KCNG1: variants seen among roughly 807,000 people sequenced by gnomAD.
KCNG1 encodes the protein potassium voltage-gated channel modifier subfamily G member 1, also known as voltage-gated potassium channel regulatory subunit KCNG1.
A neutral mutation model predicts 32.4 loss-of-function variants in KCNG1; 17 were observed. The ratio of observed to expected loss-of-function variants is 0.52; its 90% CI spans 0.36 to 0.79. The LOEUF is 0.79. Among genes scored for constraint, KCNG1 ranks in the 30% least tolerant of loss-of-function variants. The pLI is 0.00. For synonymous variants in KCNG1, 358 were observed against 339.9 expected, an observed-to-expected ratio of 1.05 and a Z score of -0.59; for missense variants, 441 against 735.2, an observed-to-expected ratio of 0.60 and a Z score of 4.63.
Position 51,004,627 on chromosome 20 carries a change from C to T in KCNG1, c.954G>A (p.Val318=), listed in dbSNP as rs1350669313. ...TGCGACGGCCTGCGGCGGCGCCGTC[C>T]ACCAGCAGCGTGATGTAGTAGGGCA... The part of the protein sequence containing the change: ...AILPYYITLL[V]DGAAAGRRKP... Residue 318 remains valine (V), a synonymous_variant, in exon 3 of 3, where the codon GTG becomes GTA. Coordinates refer to ENST00000371571, the MANE Select transcript of KCNG1 (RefSeq NM_002237.4). This position sits in a 1 kb window ranked among gnomAD's most constrained non-coding sequence, Gnocchi z 4.3. The T allele has an allele frequency of 6.3e-6, 10 of 1,594,242 alleles. No individual in the cohort carries two copies. Among genetic ancestry groups the T allele is most frequent in the Non-Finnish European group, 8.5e-6 (10 of 1,170,146 alleles).
Position 51,004,632 on chromosome 20 carries a change from G to A in KCNG1, c.949C>T (p.Leu317=), listed in dbSNP as rs1445328149. ...CGGCCTGCGGCGGCGCCGTCCACCA[G>A]CAGCGTGATGTAGTAGGGCAGGATG... ...VAILPYYITL[L]VDGAAAGRRK... is the part of the protein sequence containing the mutation. The change falls in exon 3 of 3, where the codon CTG becomes TTG. Residue 317 remains leucine (L), a synonymous_variant. Transcript: ENST00000371571. This position sits in a 1 kb window ranked among gnomAD's most constrained non-coding sequence, Gnocchi z 4.3. 1 of 1,596,688 alleles carries A rather than the reference G, an allele frequency of 6.3e-7. No individual in the cohort carries two copies. The highest frequency in any genetic ancestry group is 8.5e-7 in the Non-Finnish European group (1 of 1,171,410).
At chr20:51,008,337 T>A (rs905338853) in intron 2 of KCNG1, among the ~76,000 whole-genome samples, 2 of 151,878 alleles carry the variant, frequency 1.3e-5, no homozygotes, top group African/African-American at 2.4e-5. Context: ...TTTAAAAAAA[T>A]TTTGTGTTTT....
intron 1 of KCNG1, among the ~76,000 whole-genome samples, chr20:51,020,798 C>T (rs902517728): frequency 1.3e-5 from 2 of 152,148 alleles, no homozygotes; most frequent in Non-Finnish European, 2.9e-5. Context: ...AGCTGGTTTG[C>T]GTCGCTTAGC....
chr20:51,005,098 C>T lies in KCNG1; in HGVS notation c.775-292G>A, dbSNP rs1043498246. The T allele has an allele frequency of 6.4e-5, 21 of 329,404 alleles. No individual in the cohort carries two copies. The highest frequency in any genetic ancestry group is 1.4e-4 in the Admixed American group (3 of 20,916). 20.4% of individuals were successfully genotyped at this position (329,404 alleles called of 1,614,324 possible). Reference sequence around the variant, plus strand: ...CCACCTGGGTGTCTGAGGGGCATCTCGAACTCACCATGGGATCCTGGTTTC... The same window carrying T: ...CCACCTGGGTGTCTGAGGGGCATCTTGAACTCACCATGGGATCCTGGTTTC... On this transcript the variant is annotated intron_variant, in intron 2 of 2. Coordinates refer to ENST00000371571, the MANE Select transcript of KCNG1 (RefSeq NM_002237.4). This position sits in a 1 kb window ranked among gnomAD's most constrained non-coding sequence, Gnocchi z 4.0.
intron 1 of KCNG1, among the ~76,000 whole-genome samples, chr20:51,014,756 C>T (rs114828953): frequency 0.03 from 4,593 of 152,016 alleles, 213 homozygotes; most frequent in African/African-American, 0.11. Context: ...GTTGACAGAG[C>T]AAGGTGAGAG....
intron 1 of KCNG1, among the ~76,000 whole-genome samples, chr20:51,016,046 C>A (rs762844203): frequency 6.6e-6 from 1 of 152,128 alleles, no homozygotes; most frequent in Non-Finnish European, 1.5e-5. Flanking sequence ...CCAGCCAGAC[C>A]CATTTCCAAC....
intron 2 of KCNG1, among the ~76,000 whole-genome samples, chr20:51,008,330 A>G (rs959479260): frequency 1.3e-5 from 2 of 151,980 alleles, no homozygotes; most frequent in African/African-American, 4.8e-5. Context: ...CACAATTTTT[A>G]AAAAAATTTT....
Position 51,004,486 on chromosome 20 carries a change from C to G in KCNG1, c.1095G>C (p.Thr365=), listed in dbSNP as rs1987740818. 1 of 1,596,078 alleles carries G rather than the reference C, an allele frequency of 6.3e-7. No homozygotes were observed. Among genetic ancestry groups the G allele is most frequent in the Non-Finnish European group, 8.5e-7 (1 of 1,172,132 alleles). Residue 365 remains threonine (T), a synonymous_variant, in exon 3 of 3, where the codon ACG becomes ACC. Coordinates refer to ENST00000371571, the MANE Select transcript of KCNG1 (RefSeq NM_002237.4). The surrounding 1 kb of genome is among the most constrained non-coding windows in gnomAD (Gnocchi z 4.3). ...TGCAGCGGCGGGCCGTGAGCCCCAG[C>G]GTCTGCAGCCCCAGGGAGTGGCGCG... is the stretch of plus-strand genomic sequence containing the variant. ...RLARHSLGLQ[T]LGLTARRCTR...
At chr20:51,008,599 T>C (rs1336868699) in intron 2 of KCNG1, among the ~76,000 whole-genome samples, 2 of 151,848 alleles carry the variant, frequency 1.3e-5, no homozygotes, top group Non-Finnish European at 2.9e-5. Context: ...TCCCAAAGTG[T>C]TGGAATTATA....
rs757093265 is a variant in KCNG1, at chr20:51,004,101, C to T, written c.1480G>A (p.Val494Met). The T allele has an allele frequency of 1.9e-6, 3 of 1,614,210 alleles. No homozygotes were observed. The East Asian group carries it at 6.7e-5, about 36-fold the overall frequency. ...FLIKTKSQLSVSQDSDILFGS... is the reference protein window; with the variant it reads ...FLIKTKSQLSMSQDSDILFGS... ...AACAAGATGTCACTGTCCTGGGACA[C>T]GCTCAGCTGCGACTTGGTTTTGATG... The change falls in exon 3 of 3, where the codon GTG becomes ATG. Residue 494 changes from valine to methionine, a missense_variant. Val to Met is a conservative substitution (Grantham distance 21). Transcript: ENST00000371571. The surrounding 1 kb of genome is among the most constrained non-coding windows in gnomAD (Gnocchi z 4.3).
intron 1 of KCNG1, among the ~76,000 whole-genome samples, chr20:51,010,809 C>T (rs1010496656): frequency 6.6e-5 from 10 of 151,976 alleles, no homozygotes; most frequent in South Asian, 2.1e-4. Context: ...GCATGAGAAT[C>T]GCTTGAACAT....
At chr20:51,018,772 A>G (rs1988369021) in intron 1 of KCNG1, among the ~76,000 whole-genome samples, 1 of 152,224 alleles carries the variant, frequency 6.6e-6, no homozygotes, top group South Asian at 2.1e-4. Flanking sequence ...ATGTCTGGCA[A>G]TAAGCGACAA....
chr20:51,019,845 T>C (rs1043901713), intron 1 of KCNG1, among the ~76,000 whole-genome samples: 5 of 152,214 alleles, frequency 3.3e-5, no homozygotes, highest in African/African-American at 1.2e-4. Flanking sequence ...CAGGCTGCAT[T>C]AATCCCCAAT....
intron 1 of KCNG1, among the ~76,000 whole-genome samples, chr20:51,018,449 A>G (rs752996444): frequency 2.6e-5 from 4 of 151,968 alleles, no homozygotes; most frequent in Non-Finnish European, 4.4e-5. Context: ...TCCTGGGCTG[A>G]CCCCAACTGC....
chr20:51,015,021 A>G lies in KCNG1; in HGVS notation c.-26-4657T>C, dbSNP rs962551491. 7.2e-5 allele frequency among the ~76,000 whole-genome samples: 11 copies of G among 152,122 alleles called. No homozygotes were observed. Among genetic ancestry groups the G allele is most frequent in the Non-Finnish European group, 1.6e-4 (11 of 68,032 alleles). On this transcript the variant is annotated intron_variant, in intron 1 of 2. Transcript: ENST00000371571. The surrounding 1 kb of genome is among the most constrained non-coding windows in gnomAD (Gnocchi z 4.4). ...GCAGGGGCCAGGTGCAGCAGGGCCG[A>G]GGGGCTGACAATAAGGAGCTGGGGC...
rs780414899 is a variant in KCNG1, at chr20:51,004,624, G to A, written c.957C>T (p.Asp319=). 72 of 1,592,200 alleles carry A rather than the reference G, an allele frequency of 4.5e-5. No homozygotes were observed. The South Asian group carries it at 7.6e-4, about 17-fold the overall frequency. ...ILPYYITLLV[D]GAAAGRRKPG... ...GCTTGCGACGGCCTGCGGCGGCGCCGTCCACCAGCAGCGTGATGTAGTAGG... is the reference window on the plus strand; with the variant it reads ...GCTTGCGACGGCCTGCGGCGGCGCCATCCACCAGCAGCGTGATGTAGTAGG... The change falls in exon 3 of 3, where the codon GAC becomes GAT. Residue 319 remains aspartate, a synonymous_variant. Coordinates refer to ENST00000371571, the MANE Select transcript of KCNG1 (RefSeq NM_002237.4). This position sits in a 1 kb window ranked among gnomAD's most constrained non-coding sequence, Gnocchi z 4.3.
chr20:51,015,304 G>A lies in KCNG1; in HGVS notation c.-26-4940C>T, dbSNP rs575391692. The stretch of plus-strand genomic sequence containing the variant: ...CAGGGGTGCCATTTACCGAGGCGAC[G>A]GATAGGTGGCGCTATGGTGAGCTGA... On this transcript the variant is annotated intron_variant, in intron 1 of 2. Coordinates refer to ENST00000371571, the MANE Select transcript of KCNG1 (RefSeq NM_002237.4). This position sits in a 1 kb window ranked among gnomAD's most constrained non-coding sequence, Gnocchi z 4.4. Among the ~76,000 whole-genome samples the A allele has an allele frequency of 3.3e-5, 5 of 152,270 alleles. No homozygotes were observed. The highest frequency in any genetic ancestry group is 2.1e-4 in the South Asian group (1 of 4,824).
chr20:51,011,642 A>G (rs756964268), intron 1 of KCNG1, among the ~76,000 whole-genome samples: 80 of 152,216 alleles, frequency 5.3e-4, no homozygotes, highest in Non-Finnish European at 1.0e-3. Context: ...AGCCTGGGCA[A>G]GTGACTCAAC....
At chr20:51,016,679 G>A (rs78106199) in intron 1 of KCNG1, among the ~76,000 whole-genome samples, 4,391 of 152,240 alleles carry the variant, frequency 0.029, 195 homozygotes, top group African/African-American at 0.1. Flanking sequence ...CTTGAGTTAC[G>A]GTGAGGACAA....
Sources: gnomAD v4.1 joint callset for allele counts (sites outside exome capture counted in the v4.1 genomes callset) on GRCh38, gnomAD v4.1.1 for gene constraint, Gnocchi (gnomAD v3.1) non-coding constraint, MANE v1.5 for transcripts, NCBI Gene and HGNC (gene_info 2026-07-23, HGNC 2026-07-21) for gene names.